CDK12: variants seen among roughly 807,000 people sequenced by gnomAD.
CDK12 encodes cyclin-dependent kinase 12.
Under a neutral mutation model 133.8 loss-of-function variants are expected in CDK12, and 17 were observed. The ratio of observed to expected loss-of-function variants is 0.13; its 90% CI spans 0.09 to 0.19. The LOEUF (loss-of-function observed/expected upper bound fraction) is 0.19. Ranked by LOEUF, CDK12 falls within the 10% of genes least tolerant of loss-of-function variation. The pLI is 1.00. For missense variants in CDK12, 1,508 were observed against 1,818.7 expected (o/e 0.83, Z 3.11); for synonymous variants, 694 against 683.6 (o/e 1.02, Z -0.24).
At chr17:39,477,941 C>A (rs577804816) in intron 2 of CDK12, among the ~76,000 whole-genome samples, 1 of 151,502 alleles carries the variant, frequency 6.6e-6, no homozygotes, top group South Asian at 2.1e-4. Flanking sequence ...CTCCTGACTT[C>A]GGGGTCTGCC....
At chr17:39,521,586 G>A (rs377485487) in intron 11 of CDK12, among the ~76,000 whole-genome samples, 35 of 149,532 alleles carry the variant, frequency 2.3e-4, no homozygotes, top group African/African-American at 8.4e-4. Flanking sequence ...CCGAGACGGA[G>A]TCTCGCTCTG....
chr17:39,505,450 G>A (rs542394858), intron 6 of CDK12, among the ~76,000 whole-genome samples: 133 of 147,770 alleles, frequency 9.0e-4, no homozygotes, highest in African/African-American at 3.1e-3. Flanking sequence ...ACTTGAACCC[G>A]GGAGGTGGAG....
chr17:39,560,336 G>C (rs746482681), intron 3 of CDK12, among the ~76,000 whole-genome samples: 26 of 152,166 alleles, frequency 1.7e-4, no homozygotes, highest in Non-Finnish European at 2.8e-4. Context: ...CATCAGCAAG[G>C]TTCTCTCACT....
chr17:39,563,799 G>A lies in CDK12; in HGVS notation n.485-961G>A, dbSNP rs376404473. ...AGGGAGAGTGAGAGTGAGGAAGGGG[G>A]GAGAGAAGGGGGAAAAACCAGCAGC... On this transcript the variant is annotated intron_variant and non_coding_transcript_variant, in intron 3 of 3. Coordinates refer to the CDK12 transcript ENST00000558240. Among the ~76,000 whole-genome samples, 14 of 149,620 alleles carry A rather than the reference G, an allele frequency of 9.4e-5. No individual in the cohort carries two copies. The South Asian group carries it at 2.1e-3, about 23-fold the overall frequency.
At chr17:39,487,672 A>G (rs879505515) in intron 2 of CDK12, among the ~76,000 whole-genome samples, 45 of 136,178 alleles carry the variant, frequency 3.3e-4, no homozygotes, top group Admixed American at 3.4e-4. Context: ...GCTGGAGTGC[A>G]GTGGCACGAT....
At position 39,501,404 on chromosome 17, in the gene CDK12, G is replaced by A. The variant is rs1391010786; in HGVS notation, c.2574G>A (p.Arg858=). 6.2e-7 allele frequency: 1 copy of A among 1,611,960 alleles called. No homozygotes were observed. The highest frequency in any genetic ancestry group is 1.3e-5 in the African/African-American group (1 of 74,728). The change falls in exon 6 of 14, where the codon CGG becomes CGA. Residue 858 remains arginine, a synonymous_variant. Transcript: ENST00000447079. ...GTCACAAAAAGAATTTCCTGCATCG[G>A]GATATTAAGTGTTCTAACATTTTGC... ...EYCHKKNFLH[R]DIKCSNILLN...
intron 2 of CDK12, among the ~76,000 whole-genome samples, chr17:39,473,788 G>T (rs552305383): frequency 2.6e-4 from 40 of 152,212 alleles, no homozygotes; most frequent in African/African-American, 9.6e-4. Flanking sequence ...GGGAGGCTGA[G>T]GCAGAAGAAT....
At chr17:39,481,455 A>C (rs1368190656) in intron 2 of CDK12, among the ~76,000 whole-genome samples, 1 of 149,932 alleles carries the variant, frequency 6.7e-6, no homozygotes, top group African/African-American at 2.5e-5. Flanking sequence ...CTACAATCAC[A>C]AGCCATGCCC....
At chr17:39,463,222 T>G (rs770506298) in intron 1 of CDK12, 105 bp downstream of exon 1, 5 of 962,478 alleles carry the variant, frequency 5.2e-6, no homozygotes, top group Non-Finnish European at 7.9e-6. Context: ...CATCATTGAC[T>G]AGAACACTTT....
In CDK12 at chr17:39,481,650, C is replaced by G. The variant is rs1567706151; in HGVS notation, c.1932-8907C>G. Among the ~76,000 whole-genome samples, 9 of 15,768 alleles carry G rather than the reference C, an allele frequency of 5.7e-4. No homozygotes were observed. The East Asian group carries it at 0.014, about 25-fold the overall frequency. 10.3% of individuals were successfully genotyped at this position (15,768 alleles called of 152,430 possible). A position where few individuals can be genotyped will look rare whatever the true frequency, so the allele number is the denominator to read the frequency against. On this transcript the variant is annotated intron_variant, in intron 2 of 13. Transcript: ENST00000447079. ...GCTCGCGCGCTCTCTCTCTCTCTCTCTCTCTCTCTCTCTCTCTCTCTCTCT... is the reference window on the plus strand; with the variant it reads ...GCTCGCGCGCTCTCTCTCTCTCTCTGTCTCTCTCTCTCTCTCTCTCTCTCT...
At chr17:39,543,046 TATTGAAAAGAA>T (rs1427760029), upstream of CDK12, among the ~76,000 whole-genome samples, 2 of 152,122 alleles carry the variant, frequency 1.3e-5, no homozygotes, top group Non-Finnish European at 2.9e-5. Context: ...TCTTTTGCTA[TATTGAAAAGAA>T]AAAGGGAATG....
intron 6 of CDK12, among the ~76,000 whole-genome samples, chr17:39,508,999 A>AAAG (rs1314928481): frequency 2.7e-5 from 4 of 149,814 alleles, no homozygotes; most frequent in Non-Finnish European, 5.9e-5. Flanking sequence ...CTCTGTCTCA[A>AAAG]AAAAAAAAAA....
chr17:39,526,855 A>C (rs1000525465), intron 13 of CDK12, among the ~76,000 whole-genome samples: 4 of 152,254 alleles, frequency 2.6e-5, no homozygotes, highest in Non-Finnish European at 4.4e-5. Flanking sequence ...TTCTTTTCCC[A>C]AAAATAATAG....
At chr17:39,519,754 C>G (rs2054052631) in intron 10 of CDK12, among the ~76,000 whole-genome samples, 1 of 151,902 alleles carries the variant, frequency 6.6e-6, no homozygotes, top group African/African-American at 2.4e-5. Context: ...TTGCACCCAG[C>G]TAATTAAAAA....
chr17:39,519,320 T>C (rs2146555512), intron 10 of CDK12, among the ~76,000 whole-genome samples: 1 of 141,610 alleles, frequency 7.1e-6, no homozygotes, highest in Admixed American at 7.2e-5. Context: ...TTTTTTTTTT[T>C]TTTTTGAGAC....
At chr17:39,468,067 T>G (rs2049485525) in intron 1 of CDK12, among the ~76,000 whole-genome samples, 1 of 151,822 alleles carries the variant, frequency 6.6e-6, no homozygotes, top group African/African-American at 2.4e-5. Flanking sequence ...CTAATTTTTT[T>G]GTATTTTTAG....
chr17:39,494,518 T>C lies in CDK12; in HGVS notation c.2249-6T>C. On this transcript the variant is annotated splice_polypyrimidine_tract_variant and splice_region_variant and intron_variant, in intron 4 of 13. Transcript: ENST00000447079. The stretch of plus-strand genomic sequence containing the variant: ...TGATAATAACAGTTTACATTTGTTT[T>C]GGCAGGAGAACTAGTGGCTCTGAAG... The C allele has an allele frequency of 6.2e-7, 1 of 1,613,430 alleles. No individual in the cohort carries two copies.
downstream of CDK12, among the ~76,000 whole-genome samples, chr17:39,536,706 G>A (rs999263588): frequency 1.3e-5 from 2 of 152,264 alleles, no homozygotes; most frequent in Admixed American, 1.3e-4. Flanking sequence ...ATTAATCACT[G>A]GGGTGCCAAA....
At position 39,476,762 on chromosome 17, in the gene CDK12, G is replaced by A. The variant is rs537484767; in HGVS notation, c.1931+4999G>A. 2.0e-4 allele frequency among the ~76,000 whole-genome samples: 21 copies of A among 103,744 alleles called. No homozygotes were observed. In the East Asian group the frequency reaches 5.0e-3, roughly 25 times the overall value. The allele number at this position is 103,744 out of a possible 152,430, so 68.1% of individuals were successfully genotyped here. A position where few individuals can be genotyped will look rare whatever the true frequency, so the allele number is the denominator to read the frequency against. ...TTTTGAGACAGAGTTCTGCTCTGTC[G>A]CCCAGGCTGGAGTGCAATGGGGCAA... On this transcript the variant is annotated intron_variant, in intron 2 of 13. Transcript: ENST00000447079.
Sources: allele counts gnomAD v4.1 joint callset (sites outside exome capture counted in the v4.1 genomes callset), GRCh38; gene constraint gnomAD v4.1.1; transcripts MANE v1.5; gene names NCBI Gene and HGNC (gene_info 2026-07-23, HGNC 2026-07-21).